Variants in NPLOC4 observed in about 807,000 individuals in gnomAD.
NPLOC4 encodes the protein nuclear protein localization protein 4 homolog.
Under a neutral mutation model 80.6 loss-of-function variants are expected in NPLOC4, and 18 were observed. That is an observed-to-expected ratio of 0.22 (90% CI 0.15 to 0.33). The LOEUF (loss-of-function observed/expected upper bound fraction) is 0.33. Ranked by LOEUF, NPLOC4 falls within the 10% of genes least tolerant of loss-of-function variation. NPLOC4 has a pLI of 1.00. For missense variants in NPLOC4, 540 were observed against 786.1 expected, an observed-to-expected ratio of 0.69 and a Z score of 3.74; for synonymous variants, 313 against 301.5, an observed-to-expected ratio of 1.04 and a Z score of -0.39.
intron 11 of NPLOC4, among the ~76,000 whole-genome samples, chr17:81,590,045 G>T (rs373120873): frequency 6.6e-5 from 10 of 152,116 alleles, no homozygotes; most frequent in East Asian, 5.8e-4. Context: ...GGTGGGAGAA[G>T]AGCAAGACGG....
In NPLOC4 at chr17:81,606,890, A is replaced by T. The variant is rs2035218319; in HGVS notation, c.531-76T>A. The T allele has an allele frequency of 3.6e-6, 5 of 1,373,026 alleles. No homozygotes were observed. The South Asian group carries it at 5.0e-5, about 14-fold the overall frequency. 85.1% of individuals were successfully genotyped at this position (1,373,026 alleles called of 1,614,324 possible). A position where few individuals can be genotyped will look rare whatever the true frequency, so the allele number is the denominator to read the frequency against. On this transcript the variant is annotated intron_variant, in intron 6 of 16. Coordinates refer to ENST00000331134, the MANE Select transcript of NPLOC4 (RefSeq NM_017921.4). ...AGAGGCTGGAAATGACATGCTAAGT[A>T]TCTTATACCTCCTGAACAGTGTCTC...
Position 81,558,112 on chromosome 17 carries a change from A to G in NPLOC4, c.*1147T>C, listed in dbSNP as rs1380638025. On this transcript the variant is annotated 3_prime_UTR_variant, in exon 17 of 17. Coordinates refer to ENST00000331134, the MANE Select transcript of NPLOC4 (RefSeq NM_017921.4). ...AGCCATGCCCCGGCCTGGCCACGCC[A>G]CAGAGGAACGCAGAGCACACAAGCA... is the stretch of plus-strand genomic sequence containing the variant. 1 of 152,570 alleles carries G rather than the reference A, an allele frequency of 6.6e-6. No individual in the cohort carries two copies. Among genetic ancestry groups the G allele is most frequent in the Non-Finnish European group, 1.5e-5 (1 of 68,296 alleles). 9.5% of individuals were successfully genotyped at this position (152,570 alleles called of 1,614,324 possible). A position where few individuals can be genotyped will look rare whatever the true frequency, so the allele number is the denominator to read the frequency against.
At chr17:81,612,400 A>G (rs2035365070) in intron 4 of NPLOC4, among the ~76,000 whole-genome samples, 1 of 152,228 alleles carries the variant, frequency 6.6e-6, no homozygotes, top group Non-Finnish European at 1.5e-5. Context: ...ATGAAGACAC[A>G]GATCATGCAA....
rs1422382853 is a variant in NPLOC4 at position 81,596,153 on chromosome 17, T to C, written c.1083A>G (p.Gly361=). 1 of 1,613,968 alleles carries C rather than the reference T, an allele frequency of 6.2e-7. No homozygotes were observed. The highest frequency in any genetic ancestry group is 1.7e-5 in the Admixed American group (1 of 60,022). The change falls in exon 11 of 17, where the codon GGA becomes GGG. Residue 361 remains glycine (G), a synonymous_variant. Coordinates refer to ENST00000331134, the MANE Select transcript of NPLOC4 (RefSeq NM_017921.4). ...CAGTAACAAACTTGGATCCAAAATG[T>C]CCGTCTGGAGAGAGCCGGCACATGT... ...HPNMCRLSPD[G]HFGSKFVTAV... is the part of the protein sequence containing the mutation.
chr17:81,631,471 G>A (rs1481160398), intron 1 of NPLOC4, among the ~76,000 whole-genome samples: 12 of 104,368 alleles, frequency 1.1e-4, no homozygotes, highest in Non-Finnish European at 2.4e-4. Context: ...TTCCCCCACG[G>A]CAAGCCTAAA....
chr17:81,576,164 A>G (rs2034294429), intron 12 of NPLOC4, among the ~76,000 whole-genome samples: 1 of 152,256 alleles, frequency 6.6e-6, no homozygotes, highest in South Asian at 2.1e-4. Context: ...GCAAACATCT[A>G]GAGAAGCACA....
rs927692380 is a variant in NPLOC4 at position 81,572,811 on chromosome 17, C to T, written c.1282-723G>A. Among the ~76,000 whole-genome samples, 23 of 152,222 alleles carry T rather than the reference C, an allele frequency of 1.5e-4. No individual in the cohort carries two copies. The highest frequency in any genetic ancestry group is 2.9e-4 in the Non-Finnish European group (20 of 68,044). Reference sequence around the variant, plus strand: ...AATCCTCACAGTCTGAATGCTAACTCTTAGAATCTTACTCACACCTCTGAA... The same window carrying T: ...AATCCTCACAGTCTGAATGCTAACTTTTAGAATCTTACTCACACCTCTGAA... On this transcript the variant is annotated intron_variant, in intron 12 of 16. Coordinates refer to ENST00000331134, the MANE Select transcript of NPLOC4 (RefSeq NM_017921.4). The surrounding 1 kb of genome is among the most constrained non-coding windows in gnomAD (Gnocchi z 4.5).
chr17:81,631,387 A>G (rs1487466306), intron 1 of NPLOC4, among the ~76,000 whole-genome samples: 3 of 147,282 alleles, frequency 2.0e-5, no homozygotes, highest in African/African-American at 2.5e-5. Context: ...CTAATTTAAT[A>G]ACGTGTGTGT....
At chr17:81,584,097 C>A (rs1489993948) in intron 12 of NPLOC4, among the ~76,000 whole-genome samples, 1 of 152,180 alleles carries the variant, frequency 6.6e-6, no homozygotes, top group Non-Finnish European at 1.5e-5. Context: ...TAAACAGCAG[C>A]CTCAGACAAA....
intron 9 of NPLOC4, among the ~76,000 whole-genome samples, chr17:81,598,673 C>T (rs535134500): frequency 6.6e-6 from 1 of 152,242 alleles, no homozygotes; most frequent in Non-Finnish European, 1.5e-5. Context: ...GATCCTTAGG[C>T]CCGCCTCTGC....
chr17:81,594,633 G>A (rs1169841436), intron 11 of NPLOC4, among the ~76,000 whole-genome samples: 1 of 151,940 alleles, frequency 6.6e-6, no homozygotes, highest in East Asian at 1.9e-4. Context: ...AAATTAGCCG[G>A]GTATGCTGGC....
chr17:81,561,388 G>GC (rs994711958), intron 16 of NPLOC4, among the ~76,000 whole-genome samples: 6 of 152,190 alleles, frequency 3.9e-5, no homozygotes, highest in Admixed American at 6.5e-5. Flanking sequence ...TGCTAATACT[G>GC]CGTCCCCCAT....
At chr17:81,568,145 T>C (rs7406704) in intron 14 of NPLOC4, 34,903 of 148,388 alleles carry the variant, frequency 0.24, 4,360 homozygotes, top group Middle Eastern at 0.32. Flanking sequence ...AAATGCGCCC[T>C]GGTCCCCCGG....
At chr17:81,585,576 C>T (rs925799089) in intron 12 of NPLOC4, among the ~76,000 whole-genome samples, 30 of 150,698 alleles carry the variant, frequency 2.0e-4, no homozygotes, top group African/African-American at 6.6e-4. Flanking sequence ...GCAGGAGAAT[C>T]GCAGAACTCA....
intron 2 of NPLOC4, among the ~76,000 whole-genome samples, chr17:81,627,378 A>C (rs2035823252): frequency 6.8e-6 from 1 of 147,248 alleles, no homozygotes; most frequent in African/African-American, 2.5e-5. Flanking sequence ...GGCAACAGAA[A>C]GACTCCGTCT....
rs183258641 is a variant in NPLOC4 at position 81,559,710 on chromosome 17, A to G, written c.1670-294T>C. On this transcript the variant is annotated intron_variant, in intron 16 of 16. Transcript: ENST00000331134. ...TAACGTAACTCCCCGGGGGATGTGC[A>G]TTTGGGTTGTTTCCAGCTTTTTTTT... Among the ~76,000 whole-genome samples the G allele has an allele frequency of 7.5e-4, 106 of 140,582 alleles. 1 individual carries two copies. The highest frequency in any genetic ancestry group is 3.0e-4 in the Non-Finnish European group (20 of 65,708). The allele number at this position is 140,582 out of a possible 152,430, so 92.2% of individuals were successfully genotyped here.
intron 10 of NPLOC4, 66 bp downstream of exon 10, chr17:81,597,179 A>G (rs1275694918): frequency 7.9e-6 from 9 of 1,138,498 alleles, no homozygotes; most frequent in Non-Finnish European, 1.2e-5. Flanking sequence ...AGACCCTGAT[A>G]ATGCAGGCCA....
chr17:81,565,565 C>G lies in NPLOC4; in HGVS notation c.1609G>C (p.Glu537Gln), dbSNP rs1350788226. The G allele has an allele frequency of 6.4e-7, 1 of 1,556,192 alleles. No homozygotes were observed. The highest frequency in any genetic ancestry group is 8.7e-7 in the Non-Finnish European group (1 of 1,150,724). ...LLLEAVRTRN[E>Q]ELAQTWKRSE... ...CTCTTCCATGTCTGGGCGAGCTCCT[C>G]ATTTCTGGTCCGCACGGCCTCCAGC... Residue 537 changes from glutamate to glutamine, a missense_variant, in exon 16 of 17, where the codon GAG becomes CAG. Glu to Gln is a conservative substitution (Grantham distance 29, BLOSUM62 2). Transcript: ENST00000331134.
chr17:81,594,962 A>C (rs3923206), intron 11 of NPLOC4, among the ~76,000 whole-genome samples: 21,696 of 151,992 alleles, frequency 0.14, 1,830 homozygotes, highest in Admixed American at 0.23. Context: ...AACAAACAAA[A>C]AAAAAAACAC....
Sources: gnomAD v4.1 joint callset for allele counts (sites outside exome capture counted in the v4.1 genomes callset) on GRCh38, gnomAD v4.1.1 for gene constraint, Gnocchi (gnomAD v3.1) non-coding constraint, MANE v1.5 for transcripts, NCBI Gene and HGNC (gene_info 2026-07-23, HGNC 2026-07-21) for gene names.